Variants in SNX30 observed in about 807,000 individuals in gnomAD.
SNX30 encodes the protein sorting nexin family member 30, also known as sorting nexin-30.
SNX30 carries 24 observed loss-of-function variants against 46.4 expected under a neutral mutation model. The observed-to-expected ratio is 0.52, with a 90% confidence interval of 0.37 to 0.73. The LOEUF (loss-of-function observed/expected upper bound fraction) is 0.73, where lower values mean the gene tolerates loss of function less well. Ranked by LOEUF, SNX30 falls within the 30% of genes least tolerant of loss-of-function variation. SNX30 has a pLI of 0.00. For synonymous variants in SNX30, 189 were observed against 211.5 expected, an observed-to-expected ratio of 0.89 and a Z score of 0.92; for missense variants, 533 against 555.7, an observed-to-expected ratio of 0.96 and a Z score of 0.41.
In SNX30 at chr9:112,869,126, G is replaced by A. The variant is rs1841405767; in HGVS notation, c.*283G>A. The A allele has an allele frequency of 5.0e-6, 2 of 401,094 alleles. No homozygotes were observed. Among genetic ancestry groups the A allele is most frequent in the African/African-American group, 2.0e-5 (1 of 49,804 alleles). The allele number at this position is 401,094 out of a possible 1,614,324, so 24.8% of individuals were successfully genotyped here. ...AGCACTACGAAAATTTGAAACCAAG[G>A]GACAAGACAACCTGCAGCTGACGCT... is the stretch of plus-strand genomic sequence containing the variant. On this transcript the variant is annotated 3_prime_UTR_variant, in exon 9 of 9. Transcript: ENST00000374232.
At chr9:112,824,801 A>G (rs1190241360) in intron 3 of SNX30, among the ~76,000 whole-genome samples, 1 of 152,202 alleles carries the variant, frequency 6.6e-6, no homozygotes, top group Non-Finnish European at 1.5e-5. Flanking sequence ...TTTCTTAAAA[A>G]AGGAAGTAAA....
intron 6 of SNX30, among the ~76,000 whole-genome samples, chr9:112,849,944 G>A (rs965762683): frequency 4.6e-5 from 7 of 152,228 alleles, no homozygotes; most frequent in South Asian, 2.1e-4. Context: ...AAAGAAACTC[G>A]TTGATGAAAC....
downstream of SNX30, among the ~76,000 whole-genome samples, chr9:112,876,920 A>G (rs1436708914): frequency 8.1e-6 from 1 of 122,748 alleles, no homozygotes; most frequent in Non-Finnish European, 1.7e-5. Flanking sequence ...TGGGCAAAAG[A>G]GTAAGACTGT....
intron 3 of SNX30, among the ~76,000 whole-genome samples, chr9:112,818,251 G>A (rs1437264153): frequency 2.7e-5 from 4 of 149,770 alleles, no homozygotes; most frequent in African/African-American, 9.9e-5. Flanking sequence ...GCCCAGGCAG[G>A]TGCGCAATGG....
intron 2 of SNX30, among the ~76,000 whole-genome samples, chr9:112,814,627 A>G (rs1355667704): frequency 6.6e-6 from 1 of 152,204 alleles, no homozygotes; most frequent in Non-Finnish European, 1.5e-5. Context: ...AGGATGTTCA[A>G]CCCCAATAGT....
chr9:112,836,184 G>C lies in SNX30; in HGVS notation c.619-30G>C. On this transcript the variant is annotated intron_variant, in intron 4 of 8. Coordinates refer to ENST00000374232, the MANE Select transcript of SNX30 (RefSeq NM_001012994.2). Reference sequence around the variant, plus strand: ...GTCCTGCCCATGTGAGTGAGTGAGTGCTTTGAGCTTATTCACATATCATCC... The same window carrying C: ...GTCCTGCCCATGTGAGTGAGTGAGTCCTTTGAGCTTATTCACATATCATCC... The C allele has an allele frequency of 1.9e-6, 3 of 1,567,336 alleles. No homozygotes were observed. In the Admixed American group the frequency reaches 5.1e-5, roughly 27 times the overall value.
At chr9:112,762,386 C>G (rs796159629) in intron 1 of SNX30, among the ~76,000 whole-genome samples, 37 of 152,246 alleles carry the variant, frequency 2.4e-4, no homozygotes, top group African/African-American at 8.4e-4. Context: ...TGCTACATAC[C>G]TGGCTCTGTG....
At chr9:112,835,876 T>TA (rs1377031918) in intron 4 of SNX30, among the ~76,000 whole-genome samples, 1 of 152,130 alleles carries the variant, frequency 6.6e-6, no homozygotes, top group East Asian at 1.9e-4. Flanking sequence ...AAAGACAATA[T>TA]AGGGTACTTT....
chr9:112,852,892 G>T (rs1322661927), intron 7 of SNX30, among the ~76,000 whole-genome samples: 1 of 152,170 alleles, frequency 6.6e-6, no homozygotes, highest in Non-Finnish European at 1.5e-5. Context: ...GCCATGCCAA[G>T]ACATACCTGG....
At position 112,798,027 on chromosome 9, in the gene SNX30, T is replaced by A. The variant is rs1433672957; in HGVS notation, c.157-6749T>A. Among the ~76,000 whole-genome samples the A allele has an allele frequency of 9.3e-5, 14 of 151,284 alleles. 1 individual carries two copies. Among genetic ancestry groups the A allele is most frequent in the Admixed American group, 9.2e-4 (14 of 15,186 alleles). ...GCGCGCCCAGCCAGGTTTCTTAATG[T>A]TTACCTGGGCCCACGTGGTGGTCTT... On this transcript the variant is annotated intron_variant, in intron 1 of 8. Coordinates refer to ENST00000374232, the MANE Select transcript of SNX30 (RefSeq NM_001012994.2).
At chr9:112,787,600 T>C (rs547374754) in intron 1 of SNX30, among the ~76,000 whole-genome samples, 1 of 152,140 alleles carries the variant, frequency 6.6e-6, no homozygotes, top group East Asian at 1.9e-4. Flanking sequence ...CCTAGGTATT[T>C]TTGAGGCTCT....
rs182467285 is a variant in SNX30 at position 112,859,985 on chromosome 9, C to T, written c.1102-4262C>T. Among the ~76,000 whole-genome samples the T allele has an allele frequency of 1.6e-3, 248 of 150,726 alleles. 2 individuals carry two copies. Among genetic ancestry groups the T allele is most frequent in the African/African-American group, 5.7e-3 (235 of 41,038 alleles). On this transcript the variant is annotated intron_variant, in intron 7 of 8. Transcript: ENST00000374232. ...TTTTTGAGATGGAGTCTCGCTCTGT[C>T]GCCAGGCTGGAGTGCAGTGGCGTGA... is the stretch of plus-strand genomic sequence containing the variant.
intron 7 of SNX30, among the ~76,000 whole-genome samples, chr9:112,852,884 C>T (rs1255466940): frequency 6.6e-6 from 1 of 152,174 alleles, no homozygotes; most frequent in African/African-American, 2.4e-5. Context: ...CCGCTGCCGC[C>T]ATGCCAAGAC....
At chr9:112,751,671 C>T (rs1335878095) in intron 1 of SNX30, among the ~76,000 whole-genome samples, 4 of 152,128 alleles carry the variant, frequency 2.6e-5, no homozygotes, top group African/African-American at 4.8e-5. Flanking sequence ...TGCTGTTTGT[C>T]CTGAGGAGTC....
chr9:112,867,822 C>T (rs1257327916), intron 8 of SNX30, among the ~76,000 whole-genome samples: 1 of 151,882 alleles, frequency 6.6e-6, no homozygotes, highest in Admixed American at 6.6e-5. Flanking sequence ...CTCCTCCCAC[C>T]TCCTCAGAAC....
chr9:112,808,515 A>G (rs1324382103), intron 2 of SNX30, among the ~76,000 whole-genome samples: 1 of 152,234 alleles, frequency 6.6e-6, no homozygotes, highest in Non-Finnish European at 1.5e-5. Context: ...AAGTAACATC[A>G]TAACAGCAGC....
chr9:112,770,553 C>A (rs947159323), intron 1 of SNX30, among the ~76,000 whole-genome samples: 1 of 152,136 alleles, frequency 6.6e-6, no homozygotes, highest in African/African-American at 2.4e-5. Flanking sequence ...GCTCCAAGTA[C>A]ATGGGTAATC....
At chr9:112,828,087 G>A (rs763080845) in intron 3 of SNX30, among the ~76,000 whole-genome samples, 19 of 152,244 alleles carry the variant, frequency 1.2e-4, no homozygotes, top group Non-Finnish European at 2.1e-4. Context: ...CTATGGAACA[G>A]TAAAATTATT....
chr9:112,867,309 C>A (rs1224963122), intron 8 of SNX30, among the ~76,000 whole-genome samples: 5 of 150,640 alleles, frequency 3.3e-5, no homozygotes, highest in African/African-American at 4.9e-5. Context: ...CAGAACTCCT[C>A]CCACCTCCTC....
Sources: allele counts gnomAD v4.1 joint callset (sites outside exome capture counted in the v4.1 genomes callset), GRCh38; gene constraint gnomAD v4.1.1; transcripts MANE v1.5; gene names NCBI Gene and HGNC (gene_info 2026-07-23, HGNC 2026-07-21).